The following CACNA2D3 variants were observed in gnomAD, a reference collection of about 807,000 sequenced individuals.
CACNA2D3 encodes the protein calcium voltage-gated channel auxiliary subunit alpha2delta 3.
In CACNA2D3, 60 loss-of-function variants were observed where a neutral mutation model predicts 160.6. That is an observed-to-expected ratio of 0.37 (90% CI 0.30 to 0.46). The LOEUF (loss-of-function observed/expected upper bound fraction) is 0.46. Ranked by LOEUF, CACNA2D3 falls within the 20% of genes least tolerant of loss-of-function variation. CACNA2D3 has a pLI of 1.00. For synonymous variants in CACNA2D3, 558 were observed against 492.9 expected (o/e 1.13, Z -1.75); for missense variants, 1,205 against 1,365.0 (o/e 0.88, Z 1.85).
intron 2 of CACNA2D3, among the ~76,000 whole-genome samples, chr3:54,130,617 G>A (rs1191344534): frequency 6.6e-6 from 1 of 152,200 alleles, no homozygotes; most frequent in African/African-American, 2.4e-5. Flanking sequence ...TTTACAGATT[G>A]CGAAGCTGAG....
intron 5 of CACNA2D3, among the ~76,000 whole-genome samples, chr3:54,513,771 C>T (rs1348349135): frequency 6.6e-6 from 1 of 152,132 alleles, no homozygotes; most frequent in Non-Finnish European, 1.5e-5. Flanking sequence ...ACCTCTGCCT[C>T]CTGGGTTCAA....
chr3:54,500,457 C>T lies in CACNA2D3; in HGVS notation c.382-3035C>T, dbSNP rs111291485. On this transcript the variant is annotated intron_variant, in intron 4 of 37. Transcript: ENST00000474759. ...ATTTGTAACAGTTTTCTATTCACTA[C>T]CCCAGGTCCGTCCATCTTCCTTCCT... Among the ~76,000 whole-genome samples the T allele has an allele frequency of 3.7e-3, 560 of 152,072 alleles. 2 individuals are homozygous for T. The highest frequency in any genetic ancestry group is 0.013 in the African/African-American group (534 of 41,524).
chr3:54,987,072 G>T (rs1702630431), intron 30 of CACNA2D3, among the ~76,000 whole-genome samples: 1 of 152,156 alleles, frequency 6.6e-6, no homozygotes, highest in Admixed American at 6.5e-5. Flanking sequence ...TGTGGGGTAG[G>T]CCATTAGAAG....
At chr3:54,161,656 A>G (rs1700346237) in intron 2 of CACNA2D3, among the ~76,000 whole-genome samples, 1 of 152,230 alleles carries the variant, frequency 6.6e-6, no homozygotes, top group African/African-American at 2.4e-5. Context: ...TGTTCATTGT[A>G]TTTGAAATGA....
chr3:54,187,978 A>G (rs1473244916), intron 2 of CACNA2D3, among the ~76,000 whole-genome samples: 1 of 151,980 alleles, frequency 6.6e-6, no homozygotes, highest in East Asian at 1.9e-4. Context: ...TCATACAGGG[A>G]GGGAGGGTGC....
At chr3:54,593,770 A>G (rs917569959) in intron 9 of CACNA2D3, among the ~76,000 whole-genome samples, 1 of 152,182 alleles carries the variant, frequency 6.6e-6, no homozygotes, top group Non-Finnish European at 1.5e-5. Flanking sequence ...ATACAGCTAC[A>G]TTTTAAATCC....
At chr3:54,403,395 ACAC>A (rs1699509853) in intron 4 of CACNA2D3, among the ~76,000 whole-genome samples, 2 of 140,032 alleles carry the variant, frequency 1.4e-5, no homozygotes, top group Non-Finnish European at 3.2e-5. Context: ...ACACACACAC[ACAC>A]GCACACACAA....
intron 9 of CACNA2D3, among the ~76,000 whole-genome samples, chr3:54,627,287 T>A (rs1699142124): frequency 6.6e-6 from 1 of 152,178 alleles, no homozygotes; most frequent in Non-Finnish European, 1.5e-5. Context: ...GGAAGCATTC[T>A]AGGCTAGTCT....
chr3:54,357,353 C>A (rs549406956), intron 3 of CACNA2D3, among the ~76,000 whole-genome samples: 34 of 152,262 alleles, frequency 2.2e-4, no homozygotes, highest in African/African-American at 7.5e-4. Flanking sequence ...AATACATTCC[C>A]AAAAAGCTGT....
chr3:54,662,624 C>T (rs961805724), intron 11 of CACNA2D3, among the ~76,000 whole-genome samples: 1 of 152,192 alleles, frequency 6.6e-6, no homozygotes, highest in Non-Finnish European at 1.5e-5. Flanking sequence ...AGCCTCAGGC[C>T]AGCAAGTGCG....
chr3:54,692,548 CT>C (rs1204279378), intron 11 of CACNA2D3, among the ~76,000 whole-genome samples: 1 of 152,132 alleles, frequency 6.6e-6, no homozygotes, highest in Non-Finnish European at 1.5e-5. Flanking sequence ...TTCTTTCTTT[CT>C]TTTGTGTTCA....
At chr3:54,591,033 G>A (rs1702849444) in intron 9 of CACNA2D3, among the ~76,000 whole-genome samples, 1 of 152,164 alleles carries the variant, frequency 6.6e-6, no homozygotes, top group Non-Finnish European at 1.5e-5. Context: ...TTGGGGATAT[G>A]TTTAAATAAT....
intron 26 of CACNA2D3, among the ~76,000 whole-genome samples, chr3:54,897,951 T>C (rs569467240): frequency 6.6e-6 from 1 of 152,256 alleles, no homozygotes; most frequent in Non-Finnish European, 1.5e-5. Flanking sequence ...TGTTAGATTC[T>C]TTTCAGGTCT....
Position 54,217,728 on chromosome 3 carries a change from A to T in CACNA2D3, c.204+94134A>T, listed in dbSNP as rs750366380. The stretch of plus-strand genomic sequence containing the variant: ...TTTGGAGGGAGCCTTTGGAAGGAAC[A>T]TGGCCCTGCTGACATGTTAATCTAA... On this transcript the variant is annotated intron_variant, in intron 2 of 37. Transcript: ENST00000474759. Among the ~76,000 whole-genome samples the T allele has an allele frequency of 7.1e-4, 108 of 152,304 alleles. 1 individual carries two copies. Among genetic ancestry groups the T allele is most frequent in the Middle Eastern group, 3.4e-3 (1 of 294 alleles).
At position 54,293,945 on chromosome 3, in the gene CACNA2D3, T is replaced by A. The variant is rs77658054; in HGVS notation, c.205-26497T>A. On this transcript the variant is annotated intron_variant, in intron 2 of 37. Coordinates refer to ENST00000474759, the MANE Select transcript of CACNA2D3 (RefSeq NM_018398.3). Reference sequence around the variant, plus strand: ...CAAAAGAGTGCATGCCTGAAACATTTAAATGCATGCTTGGGGGTAGTGGAA... The same window carrying A: ...CAAAAGAGTGCATGCCTGAAACATTAAAATGCATGCTTGGGGGTAGTGGAA... Among the ~76,000 whole-genome samples, 1,487 of 152,284 alleles carry A rather than the reference T, an allele frequency of 9.8e-3. 28 individuals are homozygous for A. The highest frequency in any genetic ancestry group is 0.063 in the East Asian group (326 of 5,176).
intron 2 of CACNA2D3, among the ~76,000 whole-genome samples, chr3:54,274,340 C>A (rs1358336005): frequency 6.6e-6 from 1 of 151,594 alleles, no homozygotes; most frequent in Admixed American, 6.6e-5. Flanking sequence ...CTTTCTTTTT[C>A]TTTTCTTTCT....
chr3:54,154,266 T>A (rs1183839043), intron 2 of CACNA2D3, among the ~76,000 whole-genome samples: 1 of 152,236 alleles, frequency 6.6e-6, no homozygotes, highest in African/African-American at 2.4e-5. Flanking sequence ...GTATTTGTTA[T>A]GTTCAAGGTA....
At chr3:54,599,608 TG>T (rs575960028) in intron 9 of CACNA2D3, among the ~76,000 whole-genome samples, 2 of 151,708 alleles carry the variant, frequency 1.3e-5, no homozygotes, top group Non-Finnish European at 2.9e-5. Context: ...ATTAATAAGG[TG>T]GGGGGGAGGA....
chr3:54,422,155 G>T (rs1219066603), intron 4 of CACNA2D3, among the ~76,000 whole-genome samples: 3 of 152,192 alleles, frequency 2.0e-5, no homozygotes, highest in Non-Finnish European at 4.4e-5. Flanking sequence ...ATTGAACCTG[G>T]TAACGATGAT....
Sources: gnomAD v4.1 joint callset for allele counts (sites outside exome capture counted in the v4.1 genomes callset) on GRCh38, gnomAD v4.1.1 for gene constraint, MANE v1.5 for transcripts, NCBI Gene and HGNC (gene_info 2026-07-23, HGNC 2026-07-21) for gene names.